The following EIF3H variants were observed in gnomAD, a reference collection of about 807,000 sequenced individuals.
EIF3H encodes eukaryotic translation initiation factor 3 subunit H, also known as eIF-3-gamma.
Under a neutral mutation model 44.2 loss-of-function variants are expected in EIF3H, and 26 were observed. The observed-to-expected ratio is 0.59, with a 90% confidence interval of 0.43 to 0.82. The LOEUF is 0.82. Ranked by LOEUF, EIF3H falls within the 40% of genes least tolerant of loss-of-function variation. EIF3H has a pLI of 0.00. For synonymous variants in EIF3H, 166 were observed against 151.9 expected (o/e 1.09, Z -0.68); for missense variants, 359 against 432.8 (o/e 0.83, Z 1.51).
chr8:116,666,753 C>CAAAAAAAAAAAAAAAAAAAAAA (rs56700266), intron 2 of EIF3H, among the ~76,000 whole-genome samples: 6 of 71,446 alleles, frequency 8.4e-5, no homozygotes, highest in South Asian at 5.8e-4. Context: ...TAGTGTTAGG[C>CAAAAAAAAAAAAAAAAAAAAAA]AAAAAAAAAA....
chr8:116,721,236 G>A (rs557243712), intron 2 of EIF3H, among the ~76,000 whole-genome samples: 2 of 152,344 alleles, frequency 1.3e-5, no homozygotes, highest in African/African-American at 4.8e-5. Context: ...TTGGGCTGTG[G>A]TTTCAGAGGG....
chr8:116,745,707 G>A (rs915736647), intron 1 of EIF3H, among the ~76,000 whole-genome samples: 2 of 152,106 alleles, frequency 1.3e-5, no homozygotes, highest in Non-Finnish European at 2.9e-5. Flanking sequence ...GGGGCGGGTG[G>A]ATTGCTTGAG....
intron 2 of EIF3H, among the ~76,000 whole-genome samples, chr8:116,710,641 T>C (rs921609269): frequency 1.3e-5 from 2 of 152,344 alleles, no homozygotes; most frequent in Non-Finnish European, 2.9e-5. Context: ...AAATACAATA[T>C]GTCTACAAGT....
chr8:116,705,057 C>T (rs1229819707), intron 2 of EIF3H, among the ~76,000 whole-genome samples: 1 of 152,176 alleles, frequency 6.6e-6, no homozygotes, highest in African/African-American at 2.4e-5. Flanking sequence ...TCAAACATTC[C>T]TGATGCTGTA....
chr8:116,752,600 A>C, intron 1 of EIF3H, among the ~76,000 whole-genome samples: 1 of 151,072 alleles, frequency 6.6e-6, no homozygotes, highest in Non-Finnish European at 1.5e-5. Flanking sequence ...TCTGTCGTCA[A>C]GATTCTCTTG....
At chr8:116,682,305 T>C (rs1033830905) in intron 2 of EIF3H, among the ~76,000 whole-genome samples, 6 of 152,228 alleles carry the variant, frequency 3.9e-5, no homozygotes, top group African/African-American at 1.4e-4. Flanking sequence ...TTTAAGTCAA[T>C]AAAGTCTCAA....
intron 2 of EIF3H, among the ~76,000 whole-genome samples, chr8:116,706,846 AC>A (rs1814478978): frequency 1.3e-5 from 2 of 152,302 alleles, no homozygotes; most frequent in South Asian, 4.1e-4. Flanking sequence ...CACCCGGCCA[AC>A]ATTTTACTAT....
chr8:116,657,477 G>A lies in EIF3H; in HGVS notation c.458-163C>T. 5 of 603,634 alleles carry A rather than the reference G, an allele frequency of 8.3e-6. No individual in the cohort carries two copies. In the South Asian group the frequency reaches 1.0e-4, roughly 12 times the overall value. 37.4% of individuals were successfully genotyped at this position (603,634 alleles called of 1,614,324 possible). ...CTTGAAGCAGACTCAAAGCACTATTGCAAATAGCACTTGAAAATGCAGGAA... is the reference window on the plus strand; with the variant it reads ...CTTGAAGCAGACTCAAAGCACTATTACAAATAGCACTTGAAAATGCAGGAA... On this transcript the variant is annotated intron_variant, in intron 3 of 7. Transcript: ENST00000521861.
At chr8:116,655,288 T>C (rs920258787) in intron 5 of EIF3H, among the ~76,000 whole-genome samples, 2 of 150,680 alleles carry the variant, frequency 1.3e-5, no homozygotes, top group South Asian at 2.1e-4. Context: ...AGCAACTAGA[T>C]AGCTAAGGCA....
At chr8:116,678,280 C>T (rs1448190239) in intron 2 of EIF3H, among the ~76,000 whole-genome samples, 1 of 152,060 alleles carries the variant, frequency 6.6e-6, no homozygotes, top group Non-Finnish European at 1.5e-5. Context: ...CAGACGGAGT[C>T]TCGTTCACTC....
intron 2 of EIF3H, among the ~76,000 whole-genome samples, chr8:116,706,643 T>C (rs1294533943): frequency 6.6e-6 from 1 of 152,228 alleles, no homozygotes; most frequent in African/African-American, 2.4e-5. Flanking sequence ...CAAGAGATTC[T>C]TGTGCCTCAG....
chr8:116,683,190 C>G (rs934684042), intron 2 of EIF3H, among the ~76,000 whole-genome samples: 2 of 152,206 alleles, frequency 1.3e-5, no homozygotes, highest in African/African-American at 4.8e-5. Context: ...TACATATTTG[C>G]TCCAATTTTC....
At chr8:116,754,190 T>C (rs1815404155) in intron 1 of EIF3H, among the ~76,000 whole-genome samples, 1 of 152,028 alleles carries the variant, frequency 6.6e-6, no homozygotes, top group Non-Finnish European at 1.5e-5. Context: ...CTCGGCTCAC[T>C]GCAACCTCCG....
intron 2 of EIF3H, among the ~76,000 whole-genome samples, chr8:116,685,926 C>A (rs769540367): frequency 2.0e-5 from 3 of 152,146 alleles, no homozygotes; most frequent in Non-Finnish European, 2.9e-5. Context: ...AAGGATCAGT[C>A]TCCTACAGTA....
intron 2 of EIF3H, among the ~76,000 whole-genome samples, chr8:116,685,503 T>C (rs1814061506): frequency 6.6e-6 from 1 of 152,224 alleles, no homozygotes; most frequent in Non-Finnish European, 1.5e-5. Context: ...ATATGACTGC[T>C]GATTACATCC....
intron 2 of EIF3H, among the ~76,000 whole-genome samples, chr8:116,671,432 C>T (rs1417236636): frequency 6.6e-6 from 1 of 152,138 alleles, no homozygotes; most frequent in Non-Finnish European, 1.5e-5. Flanking sequence ...TTCCTTTTCC[C>T]CTGAAGAATA....
chr8:116,688,977 C>T, intron 2 of EIF3H: 1 of 336,722 alleles, frequency 3.0e-6, no homozygotes, highest in Non-Finnish European at 6.1e-6. Context: ...GAAATGAAAG[C>T]AATGTCCACA....
chr8:116,756,028 A>G (rs1215885366), upstream of EIF3H: 2 of 1,534,098 alleles, frequency 1.3e-6, no homozygotes, highest in African/African-American at 1.4e-5. Flanking sequence ...ATCTAAGATG[A>G]AAGTAAACTT....
intron 2 of EIF3H, among the ~76,000 whole-genome samples, chr8:116,666,858 G>C (rs1813678038): frequency 6.6e-6 from 1 of 150,396 alleles, no homozygotes; most frequent in African/African-American, 2.4e-5. Context: ...TGTTAGCAGA[G>C]AGGTGCTGAA....
Sources: gnomAD v4.1 joint callset for allele counts (sites outside exome capture counted in the v4.1 genomes callset) on GRCh38, gnomAD v4.1.1 for gene constraint, MANE v1.5 for transcripts, NCBI Gene and HGNC (gene_info 2026-07-23, HGNC 2026-07-21) for gene names.